The following SH3D21 variants were observed in gnomAD, a reference collection of about 807,000 sequenced individuals.
The protein encoded by SH3D21 is SH3 domain-containing protein 21.
SH3D21 carries 83 observed loss-of-function variants against 82.1 expected under a neutral mutation model. The observed-to-expected ratio is 1.01, with a 90% CI of 0.85 to 1.21. The LOEUF is 1.21. Ranked by LOEUF, SH3D21 falls within the 50% of genes most tolerant of loss-of-function variation. SH3D21 has a pLI of 0.00. For synonymous variants in SH3D21, 383 were observed against 387.8 expected, an observed-to-expected ratio of 0.99 and a Z score of 0.15; for missense variants, 980 against 962.1, an observed-to-expected ratio of 1.02 and a Z score of -0.25.
Position 36,312,837 on chromosome 1 carries a change from A to G in SH3D21, c.769+3247A>G, listed in dbSNP as rs1026576225. Among the ~76,000 whole-genome samples, 81 of 152,262 alleles carry G rather than the reference A, an allele frequency of 5.3e-4. 1 individual carries two copies. Among genetic ancestry groups the G allele is most frequent in the Middle Eastern group, 3.4e-3 (1 of 294 alleles). ...GCAATTCTCCTGCTGCAGCCTCCCA[A>G]GTAGCTGGGACTACAGGTGTGCACC... On this transcript the variant is annotated intron_variant, in intron 10 of 15. Transcript: ENST00000453908.
Position 36,321,051 on chromosome 1 carries a change from A to G in SH3D21, c.2200-5A>G. ...TGACAAAGTCTCCACCTCACTCCCG[A>G]CCAGGTCCAGGTGATGCAGGGGACC... On this transcript the variant is annotated splice_polypyrimidine_tract_variant and splice_region_variant and intron_variant, in intron 15 of 15. Transcript: ENST00000453908. The surrounding 1 kb of genome is among the most constrained non-coding windows in gnomAD (Gnocchi z 6.1). 1 of 1,610,504 alleles carries G rather than the reference A, an allele frequency of 6.2e-7. No homozygotes were observed. Among genetic ancestry groups the G allele is most frequent in the Non-Finnish European group, 8.5e-7 (1 of 1,178,694 alleles).
chr1:36,313,577 CTT>C (rs777851345), intron 10 of SH3D21, among the ~76,000 whole-genome samples: 25 of 151,952 alleles, frequency 1.6e-4, no homozygotes, highest in Admixed American at 2.6e-4. Flanking sequence ...ATAGTATACT[CTT>C]TTATTTTGGA....
At chr1:36,319,562 T>C in intron 13 of SH3D21, 26 bp downstream of exon 13, 3 of 1,550,618 alleles carry the variant, frequency 1.9e-6, no homozygotes, top group Non-Finnish European at 2.6e-6. Flanking sequence ...CATGGGAGAG[T>C]GGGGATGCTG....
In SH3D21 at chr1:36,320,180, T is replaced by G; in HGVS notation, c.1517T>G (p.Phe506Cys). Reference protein sequence around the residue: ...STRDDIQFHHFSSEEALQKVK... With the variant: ...STRDDIQFHHCSSEEALQKVK... ...AGAGATGACATTCAATTCCATCACTTCTCTTCGGAGGAAGCCCTGCAGAAG... is the reference window on the plus strand; with the variant it reads ...AGAGATGACATTCAATTCCATCACTGCTCTTCGGAGGAAGCCCTGCAGAAG... The change falls in exon 14 of 16, where the codon TTC becomes TGC. Residue 506 changes from phenylalanine to cysteine, a missense_variant. Transcript: ENST00000453908. The G allele has an allele frequency of 6.2e-7, 1 of 1,613,440 alleles. No individual in the cohort carries two copies. The highest frequency in any genetic ancestry group is 8.5e-7 in the Non-Finnish European group (1 of 1,180,000).
intron 9 of SH3D21, 62 bp downstream of exon 9, chr1:36,308,537 T>A: frequency 7.2e-7 from 1 of 1,382,944 alleles, no homozygotes; most frequent in Non-Finnish European, 1.0e-6. Flanking sequence ...AAGGTGGGGA[T>A]CATGGGCACT....
chr1:36,319,806 C>T lies in SH3D21; in HGVS notation c.1143C>T (p.Asp381=). 6.2e-7 allele frequency: 1 copy of T among 1,613,880 alleles called. No homozygotes were observed. Among genetic ancestry groups the T allele is most frequent in the Non-Finnish European group, 8.5e-7 (1 of 1,179,934 alleles). The part of the protein sequence containing the change: ...APSSKKIPAP[D]KVPSPEKTLT... ...GCTCCAAGAAGATCCCGGCTCCTGA[C>T]AAAGTCCCCTCCCCAGAGAAGACCC... is the stretch of plus-strand genomic sequence containing the variant. The change falls in exon 14 of 16, where the codon GAC becomes GAT. Residue 381 remains aspartate (D), a synonymous_variant. Coordinates refer to ENST00000453908, the MANE Select transcript of SH3D21 (RefSeq NM_001162530.2).
intron 10 of SH3D21, among the ~76,000 whole-genome samples, chr1:36,317,644 C>T (rs183383033): frequency 5.3e-5 from 8 of 152,266 alleles, no homozygotes; most frequent in Admixed American, 4.6e-4. Flanking sequence ...CTCACTGTAA[C>T]CTCTGCCCTC....
chr1:36,308,751 G>A (rs535171253), intron 9 of SH3D21, among the ~76,000 whole-genome samples: 289 of 152,296 alleles, frequency 1.9e-3, no homozygotes, highest in Non-Finnish European at 3.0e-3. Context: ...TTGGGAGGCC[G>A]AGGCGGGTGG....
downstream of SH3D21, chr1:36,322,857 A>G (rs1646491263): frequency 6.6e-7 from 1 of 1,508,808 alleles, no homozygotes; most frequent in Non-Finnish European, 9.1e-7. Flanking sequence ...GGGAACCGCC[A>G]GCGGGCAAGA....
intron 10 of SH3D21, among the ~76,000 whole-genome samples, chr1:36,310,331 G>A (rs1348553013): frequency 3.9e-5 from 6 of 152,098 alleles, no homozygotes; most frequent in Admixed American, 2.0e-4. Context: ...TAACACCCAC[G>A]GGCCAGGCAC....
chr1:36,314,927 T>G (rs1470055047), intron 10 of SH3D21, among the ~76,000 whole-genome samples: 1 of 152,156 alleles, frequency 6.6e-6, no homozygotes, highest in African/African-American at 2.4e-5. Context: ...TGCCCTACCC[T>G]GCAGAACATC....
intron 10 of SH3D21, among the ~76,000 whole-genome samples, chr1:36,317,413 A>G (rs1646363129): frequency 6.6e-6 from 1 of 152,258 alleles, no homozygotes; most frequent in Non-Finnish European, 1.5e-5. Context: ...AGGAGTTAAC[A>G]TCAGCACTTG....
rs762839307 is a variant in SH3D21 at position 36,320,359 on chromosome 1, T to C, written c.1696T>C (p.Leu566=). Residue 566 remains leucine, a synonymous_variant, in exon 14 of 16, where the codon TTG becomes CTG. Coordinates refer to ENST00000453908, the MANE Select transcript of SH3D21 (RefSeq NM_001162530.2). The part of the protein sequence containing the change: ...RGDSSPRQAE[L]KSGPASRPAL... ...GGACAGCTCCCCACGCCAGGCTGAG[T>C]TGAAGTCTGGGCCAGCATCCAGGCC... 6.2e-6 allele frequency: 10 copies of C among 1,612,994 alleles called. No homozygotes were observed. The South Asian group carries it at 1.1e-4, about 18-fold the overall frequency.
At position 36,319,701 on chromosome 1, in the gene SH3D21, G is replaced by A; in HGVS notation, c.1038G>A (p.Lys346=). Residue 346 remains lysine, a synonymous_variant, in exon 14 of 16, where the codon AAG becomes AAA. Transcript: ENST00000453908. ...AGGAAGAGCACAGCAGCCCGGTAAA[G>A]GCCCCCTCTGTGAAGAGAACCCCCA... ...SQEEEHSSPV[K]APSVKRTPMP... 2 of 1,593,106 alleles carry A rather than the reference G, an allele frequency of 1.3e-6. No individual in the cohort carries two copies. The highest frequency in any genetic ancestry group is 1.7e-6 in the Non-Finnish European group (2 of 1,170,908).
At chr1:36,309,375 T>C (rs1240196153) in intron 9 of SH3D21, 173 bp from the exon 10 acceptor site, 1 of 638,652 alleles carries the variant, frequency 1.6e-6, no homozygotes, top group South Asian at 2.0e-5. Context: ...TTTTGTATTT[T>C]TAGTAGAGAC....
chr1:36,308,277 A>G (rs1262964933), intron 8 of SH3D21, 68 bp downstream of exon 8: 1 of 1,462,170 alleles, frequency 6.8e-7, no homozygotes, highest in Non-Finnish European at 9.3e-7. Flanking sequence ...CTGCACATGT[A>G]CCCCCTGAAT....
At position 36,319,713 on chromosome 1, in the gene SH3D21, G is replaced by T. The variant is rs756581564; in HGVS notation, c.1050G>T (p.Val350=). ...EHSSPVKAPS[V]KRTPMPDKTA... ...GCAGCCCGGTAAAGGCCCCCTCTGT[G>T]AAGAGAACCCCCATGCCGGACAAGA... is the stretch of plus-strand genomic sequence containing the variant. The change falls in exon 14 of 16, where the codon GTG becomes GTT. Residue 350 remains valine, a synonymous_variant. Transcript: ENST00000453908. The T allele has an allele frequency of 6.3e-7, 1 of 1,595,504 alleles. No homozygotes were observed. The highest frequency in any genetic ancestry group is 8.5e-7 in the Non-Finnish European group (1 of 1,172,396).
In SH3D21 at chr1:36,307,489, A is replaced by G. The variant is rs1557470758; in HGVS notation, c.346-28A>G. On this transcript the variant is annotated intron_variant, in intron 4 of 15. Coordinates refer to ENST00000453908, the MANE Select transcript of SH3D21 (RefSeq NM_001162530.2). This position sits in a 1 kb window ranked among gnomAD's most constrained non-coding sequence, Gnocchi z 5.4. The stretch of plus-strand genomic sequence containing the variant: ...CTAGGGACTCTTGGGGCAGAACCAG[A>G]CGCCTCTGCGTCCTCCCCTCTCCCC... 1.3e-6 allele frequency: 2 copies of G among 1,549,222 alleles called. No homozygotes were observed. Among genetic ancestry groups the G allele is most frequent in the East Asian group, 4.9e-5 (2 of 40,886 alleles).
downstream of SH3D21, among the ~76,000 whole-genome samples, chr1:36,325,690 G>T (rs2995221): frequency 1.3e-5 from 2 of 151,996 alleles, no homozygotes; most frequent in African/African-American, 4.8e-5. Flanking sequence ...GACTACAGGC[G>T]CCTGCCACCA....
Sources: gnomAD v4.1 joint callset for allele counts (sites outside exome capture counted in the v4.1 genomes callset) on GRCh38, gnomAD v4.1.1 for gene constraint, Gnocchi (gnomAD v3.1) non-coding constraint, MANE v1.5 for transcripts, NCBI Gene and HGNC (gene_info 2026-07-23, HGNC 2026-07-21) for gene names.